The following FLCN variants were observed in gnomAD, a reference collection of about 807,000 sequenced individuals.
The protein encoded by FLCN is folliculin.
Under a neutral mutation model 62.5 loss-of-function variants are expected in FLCN, and 22 were observed. That is an observed-to-expected ratio of 0.35 (90% CI 0.25 to 0.50). The LOEUF (loss-of-function observed/expected upper bound fraction) is 0.50, where lower values mean the gene tolerates loss of function less well. Among genes scored for constraint, FLCN ranks in the 20% least tolerant of loss-of-function variants. The pLI, the probability that FLCN is intolerant of heterozygous loss-of-function variation, is 0.97. For synonymous variants in FLCN, 319 were observed against 310.0 expected (o/e 1.03, Z -0.30); for missense variants, 657 against 778.0 (o/e 0.84, Z 1.85).
chr17:17,234,214 G>GTTTTTTTTTTTTTTTTTTTTTT (rs1436629658), intron 1 of FLCN, among the ~76,000 whole-genome samples: 1 of 125,258 alleles, frequency 8.0e-6, no homozygotes, highest in Non-Finnish European at 1.7e-5. Context: ...TTTTTTTTTG[G>GTTTTTTTTTTTTTTTTTTTTTT]TTTGTTTTTT....
chr17:17,213,054 G>C lies in FLCN; in HGVS notation c.*601C>G. On this transcript the variant is annotated 3_prime_UTR_variant, in exon 14 of 14. Coordinates refer to ENST00000285071, the MANE Select transcript of FLCN (RefSeq NM_144997.7). The stretch of plus-strand genomic sequence containing the variant: ...CCAGCACCTGCAGGGGAACACCCCA[G>C]AAGACGAGCCCCATGGCTTCAGAAC... The C allele has an allele frequency of 4.1e-6, 1 of 246,724 alleles. No homozygotes were observed. The highest frequency in any genetic ancestry group is 8.0e-6 in the Non-Finnish European group (1 of 124,954). The allele number at this position is 246,724 out of a possible 1,614,324, so 15.3% of individuals were successfully genotyped here.
chr17:17,214,375 C>T (rs2046843149), intron 13 of FLCN, among the ~76,000 whole-genome samples: 1 of 151,538 alleles, frequency 6.6e-6, no homozygotes, highest in African/African-American at 2.4e-5. Context: ...GTGGGCGGAT[C>T]ACGAAGTCAG....
intron 4 of FLCN, among the ~76,000 whole-genome samples, chr17:17,227,500 G>A (rs563210277): frequency 6.6e-6 from 1 of 152,158 alleles, no homozygotes; most frequent in Non-Finnish European, 1.5e-5. Flanking sequence ...GATCACCTGA[G>A]GTCACGAGTT....
chr17:17,231,593 G>A (rs985868353), intron 3 of FLCN: 2 of 152,366 alleles, frequency 1.3e-5, no homozygotes. Flanking sequence ...CCCTGTTACG[G>A]ATCCAAAAGT....
intron 6 of FLCN, chr17:17,222,956 T>TC (rs1306877248): frequency 4.4e-6 from 2 of 450,378 alleles, no homozygotes; most frequent in Non-Finnish European, 8.3e-6. Context: ...TCTGCGCTGC[T>TC]CCCCACCTGT....
rs2144979449 is a variant in FLCN at position 17,224,063 on chromosome 17, C to T, written c.477G>A (p.Lys159=). 6.2e-7 allele frequency: 1 copy of T among 1,613,660 alleles called. No homozygotes were observed. The highest frequency in any genetic ancestry group is 8.5e-7 in the Non-Finnish European group (1 of 1,179,940). Reference sequence around the variant, plus strand: ...GCTGGAAGCCCCTGGCCAGGCTGTCCTTGATGAAGAAGGTGTGGCTGAACA... The same window carrying T: ...GCTGGAAGCCCCTGGCCAGGCTGTCTTTGATGAAGAAGGTGTGGCTGAACA... ...GFVFSHTFFI[K]DSLARGFQRW... Residue 159 remains lysine, a synonymous_variant, in exon 6 of 14, where the codon AAG becomes AAA. Transcript: ENST00000285071.
intron 4 of FLCN, 124 bp from the exon 5 acceptor site, chr17:17,226,446 G>T: frequency 2.7e-6 from 3 of 1,122,606 alleles, no homozygotes; most frequent in Non-Finnish European, 3.9e-6. Context: ...TTGGCTTCCA[G>T]ATTTATACTT....
At chr17:17,218,119 T>C (rs1342265346) in intron 9 of FLCN, among the ~76,000 whole-genome samples, 1 of 152,152 alleles carries the variant, frequency 6.6e-6, no homozygotes, top group Non-Finnish European at 1.5e-5. Context: ...GAAAAATTCA[T>C]GCAGAAGAAT....
At chr17:17,222,925 G>A (rs777582659) in intron 6 of FLCN, 7 of 494,272 alleles carry the variant, frequency 1.4e-5, no homozygotes, top group Non-Finnish European at 2.6e-5. Context: ...AGGCACCCAG[G>A]GGGATTCTCG....
intron 1 of FLCN, among the ~76,000 whole-genome samples, chr17:17,235,051 G>T (rs1303455898): frequency 2.0e-5 from 3 of 149,136 alleles, no homozygotes; most frequent in African/African-American, 7.4e-5. Flanking sequence ...GGCACAGCTT[G>T]CAGTGAGCTG....
chr17:17,224,604 T>C (rs1014195244), intron 5 of FLCN: 1 of 241,328 alleles, frequency 4.1e-6, no homozygotes, highest in Non-Finnish European at 8.4e-6. Flanking sequence ...GGTGTGATCC[T>C]GGCCCACTGC....
At chr17:17,233,920 A>G (rs912622266) in intron 1 of FLCN, among the ~76,000 whole-genome samples, 2 of 151,330 alleles carry the variant, frequency 1.3e-5, no homozygotes, top group African/African-American at 2.4e-5. Flanking sequence ...ACAGAGTTTC[A>G]CCATGTTGGC....
chr17:17,216,569 C>CT lies in FLCN; in HGVS notation c.1177-67dup. 6.2e-7 allele frequency: 1 copy of CT among 1,604,930 alleles called. No individual in the cohort carries two copies. The highest frequency in any genetic ancestry group is 2.2e-5 in the East Asian group (1 of 44,622). Reference sequence around the variant, plus strand: ...GCCCTCAGCCCCGGCCATCCATGCTCTACTACCCAAACCCCACACGCCTCC... The same window carrying CT: ...GCCCTCAGCCCCGGCCATCCATGCTCTTACTACCCAAACCCCACACGCCTCC... On this transcript the variant is annotated intron_variant, in intron 10 of 13. Transcript: ENST00000285071. This position sits in a 1 kb window ranked among gnomAD's most constrained non-coding sequence, Gnocchi z 4.0.
At position 17,222,667 on chromosome 17, in the gene FLCN, A is replaced by T. The variant is rs375642836; in HGVS notation, c.619-6T>A. The T allele has an allele frequency of 1.4e-5, 23 of 1,614,008 alleles. No homozygotes were observed. The highest frequency in any genetic ancestry group is 1.9e-5 in the Non-Finnish European group (22 of 1,180,012). On this transcript the variant is annotated splice_region_variant and splice_polypyrimidine_tract_variant and intron_variant, in intron 6 of 13. Coordinates refer to ENST00000285071, the MANE Select transcript of FLCN (RefSeq NM_144997.7). ...AACTGCTCTGCCTCAAACACCTGAAATGCAAAGGGAAGGGATGGCCTCTTT... is the reference window on the plus strand; with the variant it reads ...AACTGCTCTGCCTCAAACACCTGAATTGCAAAGGGAAGGGATGGCCTCTTT...
At position 17,227,119 on chromosome 17, in the gene FLCN, G is replaced by C. The variant is rs1378344205; in HGVS notation, c.249+770C>G. Among the ~76,000 whole-genome samples the C allele has an allele frequency of 2.0e-5, 3 of 152,208 alleles. No individual in the cohort carries two copies. The South Asian group carries it at 6.2e-4, about 31-fold the overall frequency. ...CAGCTCTTACACGTCCTCTGCTTCT[G>C]CAGCAGAACCAAAAGAACAAGCTTG... On this transcript the variant is annotated intron_variant, in intron 4 of 13. Transcript: ENST00000285071.
intron 2 of FLCN, among the ~76,000 whole-genome samples, chr17:17,232,312 C>T (rs527498909): frequency 2.0e-5 from 3 of 152,360 alleles, no homozygotes; most frequent in African/African-American, 7.2e-5. Context: ...TCGTAGCGCT[C>T]CTCATCGCAG....
At position 17,223,992 on chromosome 17, in the gene FLCN, A is replaced by G. The variant is rs2144974658; in HGVS notation, c.548T>C (p.Ile183Thr). The change falls in exon 6 of 14, where the codon ATC becomes ACC. Residue 183 changes from isoleucine (I) to threonine (T), a missense_variant. Coordinates refer to ENST00000285071, the MANE Select transcript of FLCN (RefSeq NM_144997.7). ...CCCCAGCAGGAAGGGCCAGGAGTTG[A>G]TGAGGTAGATCCGGTCCATCATGAT... ...ITIMMDRIYL[I>T]NSWPFLLGKV... 6.2e-7 allele frequency: 1 copy of G among 1,613,674 alleles called. No individual in the cohort carries two copies. The highest frequency in any genetic ancestry group is 1.1e-5 in the South Asian group (1 of 91,086).
chr17:17,230,633 G>A (rs541942343), intron 3 of FLCN, among the ~76,000 whole-genome samples: 2 of 151,742 alleles, frequency 1.3e-5, no homozygotes, highest in East Asian at 3.9e-4. Flanking sequence ...GGCTGAGGGA[G>A]GAGAATCACT....
At chr17:17,222,375 T>G in intron 7 of FLCN, 126 bp downstream of exon 7, 5 of 1,364,240 alleles carry the variant, frequency 3.7e-6, no homozygotes, top group Non-Finnish European at 5.1e-6. Context: ...CACAGGCCAG[T>G]GCTCCTCACA....
Sources: gnomAD v4.1 joint callset for allele counts (sites outside exome capture counted in the v4.1 genomes callset) on GRCh38, gnomAD v4.1.1 for gene constraint, Gnocchi (gnomAD v3.1) non-coding constraint, MANE v1.5 for transcripts, NCBI Gene and HGNC (gene_info 2026-07-23, HGNC 2026-07-21) for gene names.